PAQR8: variants seen among roughly 807,000 people sequenced by gnomAD.
The protein encoded by PAQR8 is membrane progestin receptor beta.
PAQR8 carries 17 observed loss-of-function variants against 25.2 expected under a neutral mutation model. The ratio of observed to expected loss-of-function variants is 0.67; its 90% CI spans 0.46 to 1.01. PAQR8 has a LOEUF of 1.01. Among genes scored for constraint, PAQR8 ranks in the 50% least tolerant of loss-of-function variants. PAQR8 has a pLI of 0.00. For missense variants in PAQR8, 392 were observed against 448.4 expected (o/e 0.87, Z 1.14); for synonymous variants, 204 against 190.6 (o/e 1.07, Z -0.58).
intron 1 of PAQR8, among the ~76,000 whole-genome samples, chr6:52,368,695 G>T (rs1257007726): frequency 6.6e-6 from 1 of 152,134 alleles, no homozygotes; most frequent in Non-Finnish European, 1.5e-5. Context: ...AGTTTTCAAA[G>T]TAGTTTTATA....
At chr6:52,373,971 C>T (rs1763452390) in intron 1 of PAQR8, among the ~76,000 whole-genome samples, 1 of 152,114 alleles carries the variant, frequency 6.6e-6, no homozygotes, top group Non-Finnish European at 1.5e-5. Context: ...CACATCATCC[C>T]CATTGAAGTT....
intron 1 of PAQR8, among the ~76,000 whole-genome samples, chr6:52,366,334 C>T (rs1763353248): frequency 6.6e-6 from 1 of 152,150 alleles, no homozygotes; most frequent in African/African-American, 2.4e-5. Flanking sequence ...GCTTGAGACA[C>T]AGGCTTTGCC....
rs181270464 is a variant in PAQR8, at chr6:52,375,176, C to T, written c.-53+12927C>T. On this transcript the variant is annotated intron_variant, in intron 1 of 1. Transcript: ENST00000442253. ...TATGGCTCTGTGCCACTGTTCCCTCCTGAGCCCCACCTCCCTCAAGAGCTT... is the reference window on the plus strand; with the variant it reads ...TATGGCTCTGTGCCACTGTTCCCTCTTGAGCCCCACCTCCCTCAAGAGCTT... 1.0e-3 allele frequency among the ~76,000 whole-genome samples: 153 copies of T among 152,164 alleles called. 1 individual carries two copies. The highest frequency in any genetic ancestry group is 3.3e-3 in the African/African-American group (138 of 41,506).
Position 52,403,350 on chromosome 6 carries a change from T to C in PAQR8, c.137T>C (p.Phe46Ser). ...TVPETDVPQL[F>S]REPYIRTGYR... ...CCAGAAACGGATGTGCCCCAGCTCT[T>C]CCGGGAGCCTTACATCCGCACCGGC... Residue 46 changes from phenylalanine to serine, a missense_variant, in exon 2 of 2, where the codon TTC becomes TCC. Coordinates refer to ENST00000442253, the MANE Select transcript of PAQR8 (RefSeq NM_133367.5). 6.2e-7 allele frequency: 1 copy of C among 1,614,262 alleles called. No individual in the cohort carries two copies.
chr6:52,403,733 C>A lies in PAQR8; in HGVS notation c.520C>A (p.Arg174=). 6.2e-7 allele frequency: 1 copy of A among 1,614,212 alleles called. No individual in the cohort carries two copies. The change falls in exon 2 of 2, where the codon CGG becomes AGG. Residue 174 remains arginine (R), a synonymous_variant. Transcript: ENST00000442253. ...FYSSDQAWYD[R]FWLFFLPAAA... ...CAGCTCTGACCAGGCCTGGTATGAC[C>A]GGTTCTGGCTTTTCTTCTTGCCAGC...
chr6:52,404,490 C>G lies in PAQR8; in HGVS notation c.*212C>G. On this transcript the variant is annotated 3_prime_UTR_variant, in exon 2 of 2. Coordinates refer to ENST00000442253, the MANE Select transcript of PAQR8 (RefSeq NM_133367.5). ...CTTTTCCTTTTGGATCATAGCTTAA[C>G]AAGGCACAGGAAGGGAAGGGATCTT... is the stretch of plus-strand genomic sequence containing the variant. The G allele has an allele frequency of 1.9e-6, 1 of 516,402 alleles. No individual in the cohort carries two copies. Among genetic ancestry groups the G allele is most frequent in the Non-Finnish European group, 3.5e-6 (1 of 286,648 alleles). 32.0% of individuals were successfully genotyped at this position (516,402 alleles called of 1,614,324 possible).
chr6:52,396,440 G>A (rs564549420), intron 1 of PAQR8, among the ~76,000 whole-genome samples: 15 of 152,326 alleles, frequency 9.8e-5, no homozygotes, highest in African/African-American at 3.6e-4. Flanking sequence ...GCTGGAATAG[G>A]AAGGAAAACA....
chr6:52,364,456 C>T (rs2113931474), intron 1 of PAQR8, among the ~76,000 whole-genome samples: 1 of 152,186 alleles, frequency 6.6e-6, no homozygotes, highest in Non-Finnish European at 1.5e-5. Context: ...ATTCTTTATC[C>T]AAATGTTAAA....
chr6:52,388,214 A>G (rs2113944941), intron 1 of PAQR8, among the ~76,000 whole-genome samples: 1 of 152,188 alleles, frequency 6.6e-6, no homozygotes, highest in East Asian at 1.9e-4. Context: ...CATCTCTACT[A>G]AAAATACAAA....
intron 1 of PAQR8, among the ~76,000 whole-genome samples, chr6:52,386,952 A>G (rs543635309): frequency 6.6e-6 from 1 of 152,358 alleles, no homozygotes; most frequent in Admixed American, 6.5e-5. Flanking sequence ...GTGATAGTTT[A>G]CAATTACTGA....
At chr6:52,394,042 C>T (rs1328892888) in intron 1 of PAQR8, among the ~76,000 whole-genome samples, 3 of 152,124 alleles carry the variant, frequency 2.0e-5, no homozygotes, top group Non-Finnish European at 1.5e-5. Context: ...AAGAGACGCA[C>T]AGGTAGGGGA....
At chr6:52,387,939 A>C (rs1763651849) in intron 1 of PAQR8, among the ~76,000 whole-genome samples, 1 of 152,238 alleles carries the variant, frequency 6.6e-6, no homozygotes, top group African/African-American at 2.4e-5. Context: ...CTCCTTATGA[A>C]AATCTAATGC....
chr6:52,388,939 A>T (rs1763664894), intron 1 of PAQR8, among the ~76,000 whole-genome samples: 1 of 152,192 alleles, frequency 6.6e-6, no homozygotes, highest in East Asian at 1.9e-4. Flanking sequence ...TTGTTCAGGC[A>T]ATCAGGACAG....
At chr6:52,386,839 A>T (rs536497574) in intron 1 of PAQR8, among the ~76,000 whole-genome samples, 2 of 152,392 alleles carry the variant, frequency 1.3e-5, no homozygotes, top group Admixed American at 6.5e-5. Flanking sequence ...AAAAATTTTT[A>T]AAATGAAGTA....
At chr6:52,396,439 G>T (rs916043741) in intron 1 of PAQR8, among the ~76,000 whole-genome samples, 3 of 152,140 alleles carry the variant, frequency 2.0e-5, no homozygotes, top group Non-Finnish European at 4.4e-5. Flanking sequence ...GGCTGGAATA[G>T]GAAGGAAAAC....
intron 1 of PAQR8, among the ~76,000 whole-genome samples, chr6:52,396,276 C>G (rs1225670281): frequency 6.6e-6 from 1 of 152,106 alleles, no homozygotes; most frequent in African/African-American, 2.4e-5. Flanking sequence ...GAGCCGACTT[C>G]TAGTTAGAGT....
intron 1 of PAQR8, among the ~76,000 whole-genome samples, chr6:52,384,726 C>G (rs1416419748): frequency 6.6e-6 from 1 of 152,110 alleles, no homozygotes; most frequent in African/African-American, 2.4e-5. Context: ...GCAAAAGGAA[C>G]AAAGCCAGAG....
chr6:52,392,960 G>A (rs1763726596), intron 1 of PAQR8, among the ~76,000 whole-genome samples: 1 of 152,202 alleles, frequency 6.6e-6, no homozygotes, highest in African/African-American at 2.4e-5. Context: ...GTTTTTGTAA[G>A]GCCAACTGCA....
intron 1 of PAQR8, among the ~76,000 whole-genome samples, chr6:52,377,166 T>G (rs192405045): frequency 1.2e-4 from 18 of 152,326 alleles, no homozygotes; most frequent in African/African-American, 3.6e-4. Flanking sequence ...TGTTAGACAC[T>G]GAATAAGCTT....
Sources: gnomAD v4.1 joint callset for allele counts (sites outside exome capture counted in the v4.1 genomes callset) on GRCh38, gnomAD v4.1.1 for gene constraint, MANE v1.5 for transcripts, NCBI Gene and HGNC (gene_info 2026-07-23, HGNC 2026-07-21) for gene names.